SPINK5: variants seen among roughly 807,000 people sequenced by gnomAD.
SPINK5 encodes the protein serine peptidase inhibitor Kazal type 5.
SPINK5 carries 125 observed loss-of-function variants against 151.8 expected under a neutral mutation model. The observed-to-expected ratio is 0.82, with a 90% CI of 0.71 to 0.96. The LOEUF (loss-of-function observed/expected upper bound fraction) is 0.96, where lower values mean the gene tolerates loss of function less well. Ranked by LOEUF, SPINK5 falls within the 40% of genes least tolerant of loss-of-function variation. SPINK5 has a pLI of 0.00. For missense variants in SPINK5, 1,194 were observed against 1,291.9 expected, an observed-to-expected ratio of 0.92 and a Z score of 1.16; for synonymous variants, 374 against 395.3, an observed-to-expected ratio of 0.95 and a Z score of 0.64.
In SPINK5 at chr5:148,106,930, T is replaced by C. The variant is rs531063521; in HGVS notation, c.1480-107T>C. 6.2e-6 allele frequency: 9 copies of C among 1,447,404 alleles called. No individual in the cohort carries two copies. In the South Asian group the frequency reaches 7.0e-5, roughly 11 times the overall value. 89.7% of individuals were successfully genotyped at this position (1,447,404 alleles called of 1,614,324 possible). On this transcript the variant is annotated intron_variant, in intron 16 of 32. Coordinates refer to ENST00000256084, the MANE Select transcript of SPINK5 (RefSeq NM_006846.4). The stretch of plus-strand genomic sequence containing the variant: ...CTTACTGATTTACTACTATGTGTTA[T>C]CACTTTTGTTTTTACTTTTTACTCT...
chr5:148,087,202 G>C (rs1753184022), intron 5 of SPINK5, among the ~76,000 whole-genome samples: 1 of 151,606 alleles, frequency 6.6e-6, no homozygotes, highest in Non-Finnish European at 1.5e-5. Context: ...AATAGCTAAG[G>C]CATCTTACTG....
At chr5:148,112,457 G>A (rs778302467) in intron 19 of SPINK5, among the ~76,000 whole-genome samples, 3 of 152,044 alleles carry the variant, frequency 2.0e-5, no homozygotes, top group African/African-American at 4.8e-5. Context: ...GGCAGATGAC[G>A]AGGTCAAGAG....
chr5:148,080,541 G>T (rs74550460), intron 4 of SPINK5, among the ~76,000 whole-genome samples: 5,118 of 151,368 alleles, frequency 0.034, 149 homozygotes, highest in East Asian at 0.13. Context: ...TACTTTTATG[G>T]TCAGTTAATG....
rs1336825417 is a variant in SPINK5, at chr5:148,099,262, G to A, written c.1039G>A (p.Ala347Thr). 6.2e-7 allele frequency: 1 copy of A among 1,611,830 alleles called. No individual in the cohort carries two copies. The highest frequency in any genetic ancestry group is 8.5e-7 in the Non-Finnish European group (1 of 1,178,840). The change falls in exon 12 of 33, where the codon GCT becomes ACT. Residue 347 changes from alanine to threonine, a missense_variant. Ala to Thr is a moderately conservative substitution (Grantham distance 58). Coordinates refer to ENST00000256084, the MANE Select transcript of SPINK5 (RefSeq NM_006846.4). ...FQAENEEKKK[A>T]EARARNKRES... ...AGCAGAAAATGAAGAAAAGAAAAAG[G>A]CTGAAGCACGAGCTAGAAACAAAAG...
chr5:148,100,128 G>C (rs1190385176), intron 12 of SPINK5, among the ~76,000 whole-genome samples: 1 of 151,852 alleles, frequency 6.6e-6, no homozygotes, highest in Non-Finnish European at 1.5e-5. Flanking sequence ...CTTGCTCCCT[G>C]ACACCTTCCC....
chr5:148,086,701 T>C (rs1287126581), intron 5 of SPINK5, among the ~76,000 whole-genome samples, 169 bp downstream of exon 5: 1 of 151,820 alleles, frequency 6.6e-6, no homozygotes, highest in Non-Finnish European at 1.5e-5. Context: ...TAAAGGTGTA[T>C]AGCATAACAC....
chr5:148,083,439 G>A (rs1209371732), intron 4 of SPINK5, among the ~76,000 whole-genome samples: 2 of 151,142 alleles, frequency 1.3e-5, no homozygotes, highest in Non-Finnish European at 3.0e-5. Flanking sequence ...GTGAGACTTG[G>A]TTCTTTCATT....
rs1392036896 is a variant in SPINK5 at position 148,114,499 on chromosome 5, C to T, written c.2015+10C>T. On this transcript the variant is annotated intron_variant, in intron 21 of 32. Coordinates refer to ENST00000256084, the MANE Select transcript of SPINK5 (RefSeq NM_006846.4). ...TGTGTAAGGCAGTCTTGTGAGTGCA[C>T]AAAGAAAACCACTACTGTGGGATGG... The T allele has an allele frequency of 6.2e-7, 1 of 1,612,614 alleles. No homozygotes were observed. The highest frequency in any genetic ancestry group is 1.3e-5 in the African/African-American group (1 of 74,824).
rs753396021 is a variant in SPINK5 at position 148,111,748 on chromosome 5, G to A, written c.1693-20G>A. 199 of 1,613,754 alleles carry A rather than the reference G, an allele frequency of 1.2e-4. No homozygotes were observed. The South Asian group carries it at 1.4e-3, about 11-fold the overall frequency. ...TTTAGTTATTGGACTCTTAAAACCT[G>A]CTTCTGCTTCATTTGGCAGGAGCTG... On this transcript the variant is annotated intron_variant, in intron 18 of 32. Coordinates refer to ENST00000256084, the MANE Select transcript of SPINK5 (RefSeq NM_006846.4).
intron 21 of SPINK5, among the ~76,000 whole-genome samples, chr5:148,115,732 T>G (rs1754067951): frequency 6.6e-6 from 1 of 152,020 alleles, no homozygotes; most frequent in Non-Finnish European, 1.5e-5. Context: ...ATAATGATTT[T>G]GGGGCCTCTT....
At chr5:148,064,161 C>T in intron 1 of SPINK5, 62 bp downstream of exon 1, 1 of 1,591,616 alleles carries the variant, frequency 6.3e-7, no homozygotes, top group Non-Finnish European at 8.6e-7. Flanking sequence ...GGGGAAGGGA[C>T]TTTTCTCCCC....
At chr5:148,088,062 C>G (rs1374579927) in intron 5 of SPINK5, among the ~76,000 whole-genome samples, 1 of 151,672 alleles carries the variant, frequency 6.6e-6, no homozygotes, top group Non-Finnish European at 1.5e-5. Context: ...CTTTAAAGGT[C>G]TACGAGACTG....
intron 21 of SPINK5, 38 bp from the exon 22 acceptor site, chr5:148,116,332 A>T (rs574535596): frequency 6.3e-7 from 1 of 1,598,954 alleles, no homozygotes; most frequent in Non-Finnish European, 8.6e-7. Flanking sequence ...CACTCTCTGT[A>T]ATCTATTGTT....
At chr5:148,131,592 T>G (rs756845983) in intron 31 of SPINK5, among the ~76,000 whole-genome samples, 1 of 152,214 alleles carries the variant, frequency 6.6e-6, no homozygotes, top group Non-Finnish European at 1.5e-5. Flanking sequence ...GGTAAATTGC[T>G]TACCTACATT....
chr5:148,111,990 T>C (rs1753946437), intron 19 of SPINK5, 95 bp downstream of exon 19: 30 of 1,579,370 alleles, frequency 1.9e-5, no homozygotes, highest in Middle Eastern at 3.7e-4. Context: ...CTCCAGGAGA[T>C]AGATAATAAA....
In SPINK5 at chr5:148,077,907, A is replaced by G. The variant is rs1752925793; in HGVS notation, c.282+5687A>G. Among the ~76,000 whole-genome samples the G allele has an allele frequency of 2.0e-5, 3 of 151,088 alleles. No individual in the cohort carries two copies. In the South Asian group the frequency reaches 6.2e-4, roughly 31 times the overall value. Reference sequence around the variant, plus strand: ...ATGGTAGTAGAACAGAGAAGCAAAAAAAGACAAAAGCATATTGAAAACAAA... The same window carrying G: ...ATGGTAGTAGAACAGAGAAGCAAAAGAAGACAAAAGCATATTGAAAACAAA... On this transcript the variant is annotated intron_variant, in intron 4 of 32. Coordinates refer to ENST00000256084, the MANE Select transcript of SPINK5 (RefSeq NM_006846.4).
intron 2 of SPINK5, 173 bp downstream of exon 2, chr5:148,065,545 TCACA>T (rs3036741): frequency 7.1e-4 from 429 of 607,490 alleles, no homozygotes; most frequent in Middle Eastern, 1.3e-3. Flanking sequence ...AGCCTCTCTC[TCACA>T]CACACACACA....
intron 4 of SPINK5, among the ~76,000 whole-genome samples, chr5:148,075,331 G>C (rs951173593): frequency 2.0e-5 from 3 of 150,918 alleles, no homozygotes; most frequent in African/African-American, 4.9e-5. Context: ...AAAATAATTT[G>C]ATTTTTTAGT....
chr5:148,073,271 A>G (rs17718535), intron 4 of SPINK5, among the ~76,000 whole-genome samples: 5,147 of 152,068 alleles, frequency 0.034, 150 homozygotes, highest in East Asian at 0.13. Flanking sequence ...TGGTCTAACA[A>G]CGCTGACATC....
Sources: allele counts gnomAD v4.1 joint callset (sites outside exome capture counted in the v4.1 genomes callset), GRCh38; gene constraint gnomAD v4.1.1; transcripts MANE v1.5; gene names NCBI Gene and HGNC (gene_info 2026-07-23, HGNC 2026-07-21).